DIP2B: variants seen among roughly 807,000 people sequenced by gnomAD.
The protein encoded by DIP2B is disco-interacting protein 2 homolog B.
In DIP2B, 76 loss-of-function variants were observed where a neutral mutation model predicts 198.0. The ratio of observed to expected loss-of-function variants is 0.38; its 90% CI spans 0.32 to 0.46. DIP2B has a LOEUF of 0.46. Ranked by LOEUF, DIP2B falls within the 20% of genes least tolerant of loss-of-function variation. The pLI, the probability that DIP2B is intolerant of heterozygous loss-of-function variation, is 0.99. For synonymous variants in DIP2B, 701 were observed against 739.1 expected (o/e 0.95, Z 0.84); for missense variants, 1,559 against 1,978.4 (o/e 0.79, Z 4.02).
chr12:50,587,885 A>G (rs771925744), intron 1 of DIP2B, among the ~76,000 whole-genome samples: 1 of 152,244 alleles, frequency 6.6e-6, no homozygotes, highest in Non-Finnish European at 1.5e-5. Context: ...ATAAAAGGAC[A>G]AAATTTGTTT....
At chr12:50,605,770 A>T (rs1174314808) in intron 1 of DIP2B, among the ~76,000 whole-genome samples, 1 of 152,124 alleles carries the variant, frequency 6.6e-6, no homozygotes. Flanking sequence ...AGCATGTATC[A>T]GTACTTCATT....
chr12:50,605,664 A>G (rs1047880731), intron 1 of DIP2B, among the ~76,000 whole-genome samples: 1 of 152,102 alleles, frequency 6.6e-6, no homozygotes, highest in Non-Finnish European at 1.5e-5. Flanking sequence ...GCATTTGCCT[A>G]TTTTGGATAT....
chr12:50,715,301 G>A (rs886243005), intron 23 of DIP2B, among the ~76,000 whole-genome samples: 1 of 152,130 alleles, frequency 6.6e-6, no homozygotes, highest in Non-Finnish European at 1.5e-5. Context: ...TTTACTCATG[G>A]AATGTGGATC....
At chr12:50,569,153 ATT>A (rs1565827733) in intron 1 of DIP2B, among the ~76,000 whole-genome samples, 3 of 151,054 alleles carry the variant, frequency 2.0e-5, no homozygotes, top group Admixed American at 2.0e-4. Context: ...ATAGAATATA[ATT>A]TGTTAATTTC....
At chr12:50,579,701 A>G (rs1299239923) in intron 1 of DIP2B, among the ~76,000 whole-genome samples, 1 of 88,112 alleles carries the variant, frequency 1.1e-5, no homozygotes, top group South Asian at 3.9e-4. Context: ...ATATATATAT[A>G]TATATATATA....
chr12:50,552,443 T>C lies in DIP2B; in HGVS notation c.100+47203T>C, dbSNP rs527818512. ...CACCACGCCCGGCTAATTTTTTGTA[T>C]TTTTAGTAGAGACGGGGTTTCACTG... On this transcript the variant is annotated intron_variant, in intron 1 of 37. Coordinates refer to ENST00000301180, the MANE Select transcript of DIP2B (RefSeq NM_173602.3). Among the ~76,000 whole-genome samples, 39 of 152,100 alleles carry C rather than the reference T, an allele frequency of 2.6e-4. No homozygotes were observed. The South Asian group carries it at 4.8e-3, about 19-fold the overall frequency.
At chr12:50,634,257 G>T (rs149231037) in intron 2 of DIP2B, among the ~76,000 whole-genome samples, 1 of 152,146 alleles carries the variant, frequency 6.6e-6, no homozygotes, top group Non-Finnish European at 1.5e-5. Flanking sequence ...CAGACCACAC[G>T]CATTCTAACT....
intron 26 of DIP2B, among the ~76,000 whole-genome samples, chr12:50,721,599 G>A (rs563038254): frequency 5.9e-5 from 9 of 152,302 alleles, no homozygotes; most frequent in Admixed American, 4.6e-4. Context: ...CTGGGACCAT[G>A]TCTGTTTTTG....
chr12:50,535,631 A>T (rs1449465604), intron 1 of DIP2B, among the ~76,000 whole-genome samples: 3 of 152,016 alleles, frequency 2.0e-5, no homozygotes, highest in African/African-American at 7.3e-5. Context: ...TCGGTCTCCC[A>T]AAGTGCTCGG....
intron 1 of DIP2B, among the ~76,000 whole-genome samples, chr12:50,619,250 A>C (rs1454078519): frequency 1.3e-5 from 2 of 152,162 alleles, no homozygotes; most frequent in Non-Finnish European, 2.9e-5. Context: ...TTTAGCCCCT[A>C]ATTGCTCAAG....
At chr12:50,720,876 G>A (rs868353296) in intron 25 of DIP2B, among the ~76,000 whole-genome samples, 3 of 152,028 alleles carry the variant, frequency 2.0e-5, no homozygotes, top group Non-Finnish European at 2.9e-5. Context: ...ACAGAATCTC[G>A]CTCTGTCGCC....
At chr12:50,620,666 A>G (rs908088155) in intron 1 of DIP2B, among the ~76,000 whole-genome samples, 10 of 152,234 alleles carry the variant, frequency 6.6e-5, no homozygotes, top group African/African-American at 1.9e-4. Context: ...GGTTTACCTT[A>G]TATGCCATTT....
At chr12:50,687,495 C>T (rs898172571) in intron 12 of DIP2B, among the ~76,000 whole-genome samples, 39 of 152,220 alleles carry the variant, frequency 2.6e-4, no homozygotes, top group African/African-American at 8.9e-4. Flanking sequence ...ATCATCTAGC[C>T]TTGAACACTG....
chr12:50,736,426 C>G (rs1487514742), intron 34 of DIP2B, among the ~76,000 whole-genome samples: 2 of 152,160 alleles, frequency 1.3e-5, no homozygotes, highest in African/African-American at 2.4e-5. Context: ...TTGAAGGGGG[C>G]AGAATATGGG....
chr12:50,529,879 A>C (rs950224606), intron 1 of DIP2B, among the ~76,000 whole-genome samples: 1 of 152,192 alleles, frequency 6.6e-6, no homozygotes, highest in African/African-American at 2.4e-5. Context: ...AAAAGAAAAA[A>C]GAAAAAAAGC....
intron 23 of DIP2B, 39 bp from the exon 24 acceptor site, chr12:50,718,670 C>T (rs1414424559): frequency 2.0e-5 from 30 of 1,536,934 alleles, no homozygotes; most frequent in Non-Finnish European, 2.4e-5. Flanking sequence ...TAGTTGGAAT[C>T]GCCATCTCCA....
chr12:50,558,140 G>A (rs867615559), intron 1 of DIP2B, among the ~76,000 whole-genome samples: 1 of 151,816 alleles, frequency 6.6e-6, no homozygotes, highest in African/African-American at 2.4e-5. Flanking sequence ...GGCCAAGGTG[G>A]GAGGATCGCT....
chr12:50,720,957 C>G (rs747155790), intron 25 of DIP2B, among the ~76,000 whole-genome samples: 12 of 152,224 alleles, frequency 7.9e-5, no homozygotes, highest in Non-Finnish European at 1.5e-4. Flanking sequence ...TGTGCCACCA[C>G]CACACCTGAC....
intron 19 of DIP2B, among the ~76,000 whole-genome samples, chr12:50,700,738 A>G (rs1428839491): frequency 2.0e-5 from 3 of 152,208 alleles, no homozygotes; most frequent in Non-Finnish European, 4.4e-5. Flanking sequence ...GCTGTGTGCA[A>G]TTCACCATGC....
Sources: gnomAD v4.1 joint callset for allele counts (sites outside exome capture counted in the v4.1 genomes callset) on GRCh38, gnomAD v4.1.1 for gene constraint, MANE v1.5 for transcripts, NCBI Gene and HGNC (gene_info 2026-07-23, HGNC 2026-07-21) for gene names.